The following ROBO2 variants were observed in gnomAD, a reference collection of about 807,000 sequenced individuals.
The protein encoded by ROBO2 is roundabout guidance receptor 2.
In ROBO2, 53 loss-of-function variants were observed where a neutral mutation model predicts 160.8. That is an observed-to-expected ratio of 0.33 (90% CI 0.26 to 0.41). The LOEUF (loss-of-function observed/expected upper bound fraction) is 0.41. ROBO2 is among the 10% of genes least tolerant of loss of function. ROBO2 has a pLI of 1.00. For synonymous variants in ROBO2, 664 were observed against 611.7 expected (o/e 1.09, Z -1.26); for missense variants, 1,577 against 1,722.4 (o/e 0.92, Z 1.49).
chr3:76,979,961 A>AG (rs1266687597), intron 2 of ROBO2, among the ~76,000 whole-genome samples: 1 of 152,132 alleles, frequency 6.6e-6, no homozygotes, highest in Non-Finnish European at 1.5e-5. Flanking sequence ...TAAAAAAAAA[A>AG]AAAATGTCTT....
intron 2 of ROBO2, among the ~76,000 whole-genome samples, chr3:76,938,349 TC>T (rs1379845035): frequency 7.0e-6 from 1 of 142,208 alleles, no homozygotes; most frequent in Non-Finnish European, 1.5e-5. Context: ...CAAGACTCCG[TC>T]CCCCACCTAC....
intron 2 of ROBO2, among the ~76,000 whole-genome samples, chr3:77,418,769 T>C (rs2077465670): frequency 6.6e-6 from 1 of 152,088 alleles, no homozygotes; most frequent in African/African-American, 2.4e-5. Flanking sequence ...TTTGTTGCTG[T>C]AGAATTTTTA....
chr3:76,218,052 A>G (rs1025995449), intron 2 of ROBO2, among the ~76,000 whole-genome samples: 1 of 152,204 alleles, frequency 6.6e-6, no homozygotes, highest in Admixed American at 6.5e-5. Context: ...ACAGAACCAA[A>G]GACAAAAACC....
At chr3:77,163,781 T>A (rs1180338836) in intron 2 of ROBO2, among the ~76,000 whole-genome samples, 2 of 152,224 alleles carry the variant, frequency 1.3e-5, no homozygotes, top group Non-Finnish European at 2.9e-5. Context: ...TCATGGTTTA[T>A]AATCTTTGAA....
intron 2 of ROBO2, among the ~76,000 whole-genome samples, chr3:76,675,521 A>T (rs1019573152): frequency 6.6e-6 from 1 of 152,168 alleles, no homozygotes; most frequent in Non-Finnish European, 1.5e-5. Flanking sequence ...AATGCTTTGA[A>T]GTCCAGATCT....
intron 2 of ROBO2, among the ~76,000 whole-genome samples, chr3:76,505,960 TAGTA>T (rs1356929961): frequency 1.3e-5 from 2 of 152,286 alleles, no homozygotes; most frequent in South Asian, 2.1e-4. Context: ...GGAGCTATGA[TAGTA>T]AGTCACATAA....
intron 2 of ROBO2, among the ~76,000 whole-genome samples, chr3:76,623,204 G>A (rs1047943727): frequency 5.9e-5 from 9 of 152,016 alleles, no homozygotes; most frequent in African/African-American, 1.2e-4. Context: ...GCACATTTGG[G>A]GTGTACTGAG....
At chr3:77,538,753 A>G (rs2092304729) in intron 6 of ROBO2, 1 of 339,628 alleles carries the variant, frequency 2.9e-6, no homozygotes, top group African/African-American at 2.2e-5. Context: ...TGAAGAAACA[A>G]TCACGTATCA....
At chr3:76,580,328 G>GTTTTTTTTTTTTTTTTTTTTTT (rs748888426) in intron 2 of ROBO2, among the ~76,000 whole-genome samples, 5 of 67,260 alleles carry the variant, frequency 7.4e-5, no homozygotes, top group African/African-American at 1.4e-4. Context: ...TTTTTTTTTT[G>GTTTTTTTTTTTTTTTTTTTTTT]TTTTTTTTTT....
chr3:76,269,265 C>T (rs1707281925), intron 2 of ROBO2, among the ~76,000 whole-genome samples: 4 of 152,006 alleles, frequency 2.6e-5, no homozygotes, highest in Non-Finnish European at 5.9e-5. Context: ...TGGATCAAAA[C>T]GTCTCATGTA....
chr3:76,628,401 A>G lies in ROBO2; in HGVS notation c.110-469613A>G, dbSNP rs569958218. On this transcript the variant is annotated intron_variant, in intron 2 of 26. Transcript: ENST00000487694. ...CACTACAGCCTCCAGAGTAGCTGGG[A>G]CTACAGTCACTCGCTATCCACTAAT... Among the ~76,000 whole-genome samples the G allele has an allele frequency of 9.9e-4, 149 of 149,920 alleles. 1 individual carries two copies. Among genetic ancestry groups the G allele is most frequent in the Non-Finnish European group, 2.0e-3 (135 of 67,726 alleles).
chr3:76,774,677 A>G (rs571816636), intron 2 of ROBO2, among the ~76,000 whole-genome samples: 42 of 150,784 alleles, frequency 2.8e-4, no homozygotes, highest in Non-Finnish European at 5.4e-4. Flanking sequence ...CACCCTCTAT[A>G]TAGTTTATAG....
chr3:76,599,721 T>C (rs2086991464), intron 2 of ROBO2, among the ~76,000 whole-genome samples: 1 of 152,164 alleles, frequency 6.6e-6, no homozygotes. Flanking sequence ...GTTAGTTTTT[T>C]ACTTTTCAGT....
chr3:76,742,444 A>G (rs1475293350), intron 2 of ROBO2, among the ~76,000 whole-genome samples: 1 of 152,186 alleles, frequency 6.6e-6, no homozygotes, highest in Non-Finnish European at 1.5e-5. Context: ...GCAAGCATAC[A>G]CACAACGGAA....
intron 2 of ROBO2, among the ~76,000 whole-genome samples, chr3:76,321,566 A>G (rs959895755): frequency 2.6e-5 from 4 of 152,170 alleles, no homozygotes; most frequent in African/African-American, 9.7e-5. Flanking sequence ...TATGAAAGTA[A>G]CAACTTGACT....
intron 2 of ROBO2, among the ~76,000 whole-genome samples, chr3:76,417,520 G>A (rs2075803944): frequency 6.6e-6 from 1 of 152,102 alleles, no homozygotes; most frequent in Admixed American, 6.5e-5. Context: ...TCCTTCATAA[G>A]GAGTTTAGCT....
rs1419807241 is a variant in ROBO2 at position 76,322,163 on chromosome 3, CGTATATATATATATATATATAT to C, written c.109+384562_109+384583del. 5.5e-4 allele frequency among the ~76,000 whole-genome samples: 22 copies of C among 40,168 alleles called. 2 individuals carry two copies. The highest frequency in any genetic ancestry group is 1.7e-3 in the Admixed American group (5 of 2,908). 26.4% of individuals were successfully genotyped at this position (40,168 alleles called of 152,430 possible). ...TATTTGAAATGATTTCTACTTCTTC[CGTATATATATATATATATATAT>C]ATATATATATATATATATAATATAC... On this transcript the variant is annotated intron_variant, in intron 2 of 26. Transcript: ENST00000487694.
intron 2 of ROBO2, among the ~76,000 whole-genome samples, chr3:77,282,212 T>G (rs1444494199): frequency 6.6e-6 from 1 of 152,186 alleles, no homozygotes. Context: ...TTTTGCAAGC[T>G]CTTATAATCA....
At chr3:76,952,306 G>C (rs973593996) in intron 2 of ROBO2, among the ~76,000 whole-genome samples, 1 of 151,826 alleles carries the variant, frequency 6.6e-6, no homozygotes, top group African/African-American at 2.4e-5. Context: ...TTTTGAGACA[G>C]AGTTTTGCTC....
Sources: gnomAD v4.1 joint callset for allele counts (sites outside exome capture counted in the v4.1 genomes callset) on GRCh38, gnomAD v4.1.1 for gene constraint, MANE v1.5 for transcripts, NCBI Gene and HGNC (gene_info 2026-07-23, HGNC 2026-07-21) for gene names.